The following FAR2 variants were observed in gnomAD, a reference collection of about 807,000 sequenced individuals.
FAR2 encodes the protein epididymis secretory protein Li 81.
Under a neutral mutation model 56.0 loss-of-function variants are expected in FAR2, and 19 were observed. The ratio of observed to expected loss-of-function variants is 0.34; its 90% confidence interval spans 0.24 to 0.50. FAR2 has a LOEUF of 0.50. Ranked by LOEUF, FAR2 falls within the 20% of genes least tolerant of loss-of-function variation. FAR2 has a pLI of 0.98. For missense variants in FAR2, 508 were observed against 642.2 expected, an observed-to-expected ratio of 0.79 and a Z score of 2.26; for synonymous variants, 219 against 218.8, an observed-to-expected ratio of 1.00 and a Z score of -0.01.
At chr12:29,269,144 G>A (rs1444616307) in intron 1 of FAR2, among the ~76,000 whole-genome samples, 1 of 152,124 alleles carries the variant, frequency 6.6e-6, no homozygotes, top group Non-Finnish European at 1.5e-5. Flanking sequence ...GCCTGGGAGT[G>A]CTATAGGAGA....
At chr12:29,319,081 C>T (rs894284571) in intron 9 of FAR2, among the ~76,000 whole-genome samples, 3 of 151,758 alleles carry the variant, frequency 2.0e-5, no homozygotes, top group African/African-American at 7.3e-5. Flanking sequence ...ACCTCTGCCT[C>T]CTGGGTTCAA....
chr12:29,163,954 G>A (rs1416408015), intron 1 of FAR2, among the ~76,000 whole-genome samples: 2 of 152,204 alleles, frequency 1.3e-5, no homozygotes, highest in Non-Finnish European at 2.9e-5. Context: ...CAGGTGAAAT[G>A]CAGATTGAAC....
At chr12:29,287,707 G>C (rs749501491) in intron 2 of FAR2, among the ~76,000 whole-genome samples, 1 of 152,114 alleles carries the variant, frequency 6.6e-6, no homozygotes, top group South Asian at 2.1e-4. Context: ...AGAGAAAGAC[G>C]TAGTAAAATG....
chr12:29,214,111 T>A (rs531143523), intron 1 of FAR2, among the ~76,000 whole-genome samples: 2 of 152,348 alleles, frequency 1.3e-5, no homozygotes, highest in East Asian at 3.9e-4. Context: ...AATTTTCATT[T>A]AATTTGTCAA....
In FAR2 at chr12:29,270,599, G is replaced by C. The variant is rs903206437; in HGVS notation, c.150G>C (p.Gln50His). 1 of 1,613,974 alleles carries C rather than the reference G, an allele frequency of 6.2e-7. No homozygotes were observed. Among genetic ancestry groups the C allele is most frequent in the African/African-American group, 1.3e-5 (1 of 75,058 alleles). The change falls in exon 2 of 12, where the codon CAG becomes CAC. Residue 50 changes from glutamine (Q) to histidine (H), a missense_variant. By Grantham distance (24) the Gln-to-His change is conservative. Coordinates refer to ENST00000536681, the MANE Select transcript of FAR2 (RefSeq NM_001271783.2). The part of the protein sequence containing the change: ...IYILVRPKAG[Q>H]TLQQRVFQIL... The stretch of plus-strand genomic sequence containing the variant: ...TCCTTGTGAGGCCCAAGGCTGGCCA[G>C]ACACTGCAGCAGAGGGTTTTCCAGA...
At chr12:29,204,232 A>T (rs1555108337) in intron 1 of FAR2, among the ~76,000 whole-genome samples, 1 of 150,832 alleles carries the variant, frequency 6.6e-6, no homozygotes, top group Non-Finnish European at 1.5e-5. Flanking sequence ...ATTTTTTCAC[A>T]TTTTTTTTTC....
chr12:29,184,717 G>A (rs553815958), intron 1 of FAR2, among the ~76,000 whole-genome samples: 28 of 152,156 alleles, frequency 1.8e-4, no homozygotes, highest in African/African-American at 4.8e-4. Flanking sequence ...GATTACAGGC[G>A]TGAGCCACTG....
chr12:29,264,930 G>A (rs1948488129), intron 1 of FAR2, among the ~76,000 whole-genome samples: 1 of 151,912 alleles, frequency 6.6e-6, no homozygotes, highest in Non-Finnish European at 1.5e-5. Flanking sequence ...ATTTACAGTA[G>A]CTACAAATAA....
intron 2 of FAR2, among the ~76,000 whole-genome samples, chr12:29,276,523 A>AAAG (rs1565500869): frequency 6.6e-6 from 1 of 152,224 alleles, no homozygotes; most frequent in African/African-American, 2.4e-5. Context: ...TGATACCTGT[A>AAAG]AAGAGATTTT....
rs1380223967 is a variant in FAR2, at chr12:29,170,402, G to A, written c.-39+20995G>A. On this transcript the variant is annotated intron_variant, in intron 1 of 11. Transcript: ENST00000536681. ...AGGCTATGGGTTGTCAGTGGCCTCA[G>A]TGCTTTCGGGCTATGCCCTTGTTTA... Among the ~76,000 whole-genome samples the A allele has an allele frequency of 3.9e-5, 6 of 152,214 alleles. No individual in the cohort carries two copies. The East Asian group carries it at 1.2e-3, about 29-fold the overall frequency.
At chr12:29,274,960 T>C (rs1343705920) in intron 2 of FAR2, among the ~76,000 whole-genome samples, 1 of 113,070 alleles carries the variant, frequency 8.8e-6, no homozygotes, top group Non-Finnish European at 1.8e-5. Flanking sequence ...GCATGAAATT[T>C]GGTGCCGTGA....
chr12:29,331,919 A>G (rs1374679373), intron 10 of FAR2: 2 of 152,142 alleles, frequency 1.3e-5, no homozygotes, highest in Non-Finnish European at 2.9e-5. Flanking sequence ...TTCCTCAAAG[A>G]TACCTTAAAA....
intron 1 of FAR2, among the ~76,000 whole-genome samples, chr12:29,259,168 C>G (rs2136690314): frequency 6.6e-6 from 1 of 152,222 alleles, no homozygotes; most frequent in Non-Finnish European, 1.5e-5. Context: ...GGAATTTTTC[C>G]CACTGGATCA....
At chr12:29,162,765 C>T (rs2136579151) in intron 1 of FAR2, among the ~76,000 whole-genome samples, 1 of 152,244 alleles carries the variant, frequency 6.6e-6, no homozygotes, top group Non-Finnish European at 1.5e-5. Context: ...TCATTATACT[C>T]ACACATTTAC....
At position 29,209,730 on chromosome 12, in the gene FAR2, AAAAG is replaced by A. The variant is rs1947521573; in HGVS notation, c.-39+60330_-39+60333del. Reference sequence around the variant, plus strand: ...TGTGTGTGTGTGTGTCTGTGTGTGTAAAAGAAAGAATAAAAGAATGCGTAAAAGA... The same window carrying A: ...TGTGTGTGTGTGTGTCTGTGTGTGTAAAAGAATAAAAGAATGCGTAAAAGA... On this transcript the variant is annotated intron_variant, in intron 1 of 11. Coordinates refer to ENST00000536681, the MANE Select transcript of FAR2 (RefSeq NM_001271783.2). Among the ~76,000 whole-genome samples the A allele has an allele frequency of 2.8e-5, 4 of 141,796 alleles. No homozygotes were observed. The South Asian group carries it at 9.0e-4, about 32-fold the overall frequency. 93.0% of individuals were successfully genotyped at this position (141,796 alleles called of 152,430 possible). A position where few individuals can be genotyped will look rare whatever the true frequency, so the allele number is the denominator to read the frequency against.
intron 1 of FAR2, among the ~76,000 whole-genome samples, chr12:29,207,367 T>G (rs964181021): frequency 2.8e-4 from 43 of 152,178 alleles, no homozygotes; most frequent in African/African-American, 1.0e-3. Flanking sequence ...ACTATGGGAA[T>G]GTGATTCAGA....
chr12:29,151,125 G>C (rs1949678620), intron 1 of FAR2, among the ~76,000 whole-genome samples: 1 of 152,132 alleles, frequency 6.6e-6, no homozygotes, highest in South Asian at 2.1e-4. Context: ...TTCTGGCAAC[G>C]TCTCATCAGT....
At chr12:29,280,736 GTC>G (rs1245602826) in intron 2 of FAR2, 1 of 152,196 alleles carries the variant, frequency 6.6e-6, no homozygotes, top group Non-Finnish European at 1.5e-5. Context: ...ACCATCCAAG[GTC>G]TCTCTGGATG....
At chr12:29,208,146 T>C (rs988953578) in intron 1 of FAR2, among the ~76,000 whole-genome samples, 1 of 152,278 alleles carries the variant, frequency 6.6e-6, no homozygotes, top group Non-Finnish European at 1.5e-5. Context: ...CAGCATTTCC[T>C]AGCTGGGCAA....
Sources: gnomAD v4.1 joint callset for allele counts (sites outside exome capture counted in the v4.1 genomes callset) on GRCh38, gnomAD v4.1.1 for gene constraint, MANE v1.5 for transcripts, NCBI Gene and HGNC (gene_info 2026-07-23, HGNC 2026-07-21) for gene names.